Variants in HUWE1 observed in about 807,000 individuals in gnomAD.
The protein encoded by HUWE1 is HECT, UBA and WWE domain containing E3 ubiquitin protein ligase 1.
HUWE1 carries 18 observed loss-of-function variants against 299.4 expected under a neutral mutation model. The ratio of observed to expected loss-of-function variants is 0.06; its 90% CI spans 0.04 to 0.09. HUWE1 has a LOEUF of 0.09. Ranked by LOEUF, HUWE1 falls within the 10% of genes least tolerant of loss-of-function variation. HUWE1 has a pLI of 1.00. For synonymous variants in HUWE1, 1,317 were observed against 1,286.1 expected (o/e 1.02, Z -0.51); for missense variants, 1,832 against 3,462.3 (o/e 0.53, Z 11.82).
At chrX:53,568,019 A>C (rs1556947218) in intron 49 of HUWE1, among the ~76,000 whole-genome samples, 5 of 112,314 alleles carry the variant, frequency 4.5e-5, no homozygotes, top group Non-Finnish European at 9.4e-5. Context: ...GAAGGCAAAA[A>C]CACGGTCGCT....
Position 53,592,614 on chromosome X carries a change from G to A in HUWE1, c.3756C>T (p.Cys1252=), listed in dbSNP as rs1268856205. 8.4e-7 allele frequency: 1 copy of A among 1,189,262 alleles called. No homozygotes were observed. Among genetic ancestry groups the A allele is most frequent in the Non-Finnish European group, 1.1e-6 (1 of 877,582 alleles). ...LVVTQKAAFT[C]IKNLWNRKPL... is the part of the protein sequence containing the mutation. ...GTTTCCGGTTCCATAAGTTTTTGAT[G>A]CAAGTAAAGGCTGCCTGTAAGTAAT... The change falls in exon 33 of 84, where the codon TGC becomes TGT. Residue 1252 remains cysteine, a synonymous_variant. Coordinates refer to ENST00000262854, the MANE Select transcript of HUWE1 (RefSeq NM_031407.7).
intron 3 of HUWE1, among the ~76,000 whole-genome samples, chrX:53,657,682 C>G (rs943812259): frequency 2.7e-5 from 3 of 111,534 alleles, no homozygotes; most frequent in East Asian, 2.8e-4. Context: ...TGCAGAAAAT[C>G]TGAAATAAGG....
Position 53,546,535 on chromosome X carries a change from G to A in HUWE1, c.10816C>T (p.Leu3606=), listed in dbSNP as rs1556922950. ...CCAGAGTCCCCCCGGGAGAGCTGCAGTAGTACGTTGGCTGCATCCTCTAAG... is the reference window on the plus strand; with the variant it reads ...CCAGAGTCCCCCCGGGAGAGCTGCAATAGTACGTTGGCTGCATCCTCTAAG... ...EGLEDAANVL[L]QLSRGDSGTR... is the part of the protein sequence containing the mutation. Residue 3606 remains leucine (L), a synonymous_variant, in exon 70 of 84, where the codon CTG becomes TTG. Transcript: ENST00000262854. The A allele has an allele frequency of 3.3e-6, 4 of 1,207,373 alleles. No individual in the cohort carries two copies. The African/African-American group carries it at 7.0e-5, about 21-fold the overall frequency.
At chrX:53,636,638 C>T (rs1390861876) in intron 7 of HUWE1, among the ~76,000 whole-genome samples, 1 of 111,732 alleles carries the variant, frequency 8.9e-6, no homozygotes, top group African/African-American at 3.3e-5. Context: ...GGGAGGATGG[C>T]CTGAACCCGG....
At chrX:53,680,498 A>G (rs898455659) in intron 2 of HUWE1, 7 of 118,745 alleles carry the variant, frequency 5.9e-5, no homozygotes, top group South Asian at 3.7e-4. Context: ...CTAAGGACGT[A>G]TTTGTTTCAT....
chrX:53,554,464 GT>G (rs1298365409), intron 61 of HUWE1, among the ~76,000 whole-genome samples, 168 bp downstream of exon 61: 10 of 111,470 alleles, frequency 9.0e-5, no homozygotes, highest in Non-Finnish European at 1.9e-5. Flanking sequence ...ACTATCACCA[GT>G]TCAGGACCTC....
intron 43 of HUWE1, among the ~76,000 whole-genome samples, chrX:53,578,339 G>A (rs1556961673): frequency 9.5e-6 from 1 of 105,326 alleles, no homozygotes; most frequent in African/African-American, 3.6e-5. Context: ...CAGCCACCCC[G>A]TCTGGGAGGG....
chrX:53,584,175 T>C lies in HUWE1; in HGVS notation c.5161+11A>G. On this transcript the variant is annotated intron_variant, in intron 41 of 83. Transcript: ENST00000262854. ...CACATTAGCTTTAGGTAAAACACTC[T>C]TGGTACATACCATTGCCTTTATTTT... 3.3e-6 allele frequency: 4 copies of C among 1,205,147 alleles called. No individual in the cohort carries two copies. Among genetic ancestry groups the C allele is most frequent in the Non-Finnish European group, 4.5e-6 (4 of 889,675 alleles).
At chrX:53,603,027 A>G (rs1399715549) in intron 27 of HUWE1, among the ~76,000 whole-genome samples, 6 of 109,761 alleles carry the variant, frequency 5.5e-5, no homozygotes, top group Non-Finnish European at 9.5e-5. Flanking sequence ...AATTTTTTGT[A>G]TTTTTAGTAG....
intron 63 of HUWE1, among the ~76,000 whole-genome samples, chrX:53,551,716 T>C (rs2061772351): frequency 1.8e-5 from 2 of 111,769 alleles, no homozygotes; most frequent in Non-Finnish European, 3.8e-5. Flanking sequence ...TCTCCCTATG[T>C]TGCCCAGGCT....
intron 47 of HUWE1, among the ~76,000 whole-genome samples, chrX:53,572,553 A>G (rs2062883359): frequency 8.9e-6 from 1 of 111,878 alleles, no homozygotes; most frequent in Admixed American, 9.5e-5. Flanking sequence ...CCACAAAACA[A>G]GGCACCCTTA....
chrX:53,545,544 G>A lies in HUWE1; in HGVS notation c.10916-383C>T, dbSNP rs183733754. ...ATTTGCTAACCAATATTAATACTGG[G>A]ATGGGAATATTACTGCCTAACCTCA... On this transcript the variant is annotated intron_variant, in intron 70 of 83. Coordinates refer to ENST00000262854, the MANE Select transcript of HUWE1 (RefSeq NM_031407.7). 2.7e-3 allele frequency among the ~76,000 whole-genome samples: 299 copies of A among 111,627 alleles called. 1 individual carries two copies. Among genetic ancestry groups the A allele is most frequent in the African/African-American group, 9.2e-3 (283 of 30,699 alleles).
In HUWE1 at chrX:53,654,130, A is replaced by C. The variant is rs1557041745; in HGVS notation, c.-23T>G. 2 of 1,126,684 alleles carry C rather than the reference A, an allele frequency of 1.8e-6. No individual in the cohort carries two copies. Among genetic ancestry groups the C allele is most frequent in the South Asian group, 3.8e-5 (2 of 53,319 alleles). 92.9% of individuals were successfully genotyped at this position (1,126,684 alleles called of 1,213,427 possible). A position where few individuals can be genotyped will look rare whatever the true frequency, so the allele number is the denominator to read the frequency against. ...CATGATTTCAATTTTCAGCTTTACGATCTGAAAAAAGAAAATCCCAAAAGA... is the reference window on the plus strand; with the variant it reads ...CATGATTTCAATTTTCAGCTTTACGCTCTGAAAAAAGAAAATCCCAAAAGA... On this transcript the variant is annotated splice_region_variant and 5_prime_UTR_variant, in exon 4 of 84. Coordinates refer to ENST00000262854, the MANE Select transcript of HUWE1 (RefSeq NM_031407.7).
intron 49 of HUWE1, among the ~76,000 whole-genome samples, chrX:53,567,684 A>G (rs2062636461): frequency 8.9e-6 from 1 of 112,308 alleles, no homozygotes; most frequent in Admixed American, 9.4e-5. Context: ...CAAAGAAATT[A>G]ATTGATCCAG....
Position 53,583,580 on chromosome X carries a change from G to A in HUWE1, c.5498C>T (p.Thr1833Ile). Residue 1833 changes from threonine (T) to isoleucine (I), a missense_variant, in exon 42 of 84, where the codon ACC becomes ATC. By Grantham distance (89) the Thr-to-Ile change is moderately conservative (BLOSUM62 -1). Around this residue, in one of 15 missense-constraint regions of HUWE1, gnomAD observed 50 missense variants for 114.9 expected, o/e 0.44. Coordinates refer to ENST00000262854, the MANE Select transcript of HUWE1 (RefSeq NM_031407.7). Reference sequence around the variant, plus strand: ...CACCTTTTCCATGGTATGACGAAGGGTACAGGGGTCCTCAATGATGTGTCT... The same window carrying A: ...CACCTTTTCCATGGTATGACGAAGGATACAGGGGTCCTCAATGATGTGTCT... ...LLRHIIEDPC[T>I]LRHTMEKVVR... 1 of 1,202,387 alleles carries A rather than the reference G, an allele frequency of 8.3e-7. No homozygotes were observed. The highest frequency in any genetic ancestry group is 1.1e-6 in the Non-Finnish European group (1 of 888,411).
chrX:53,571,096 G>GC (rs2062804744), intron 47 of HUWE1, among the ~76,000 whole-genome samples: 2 of 111,945 alleles, frequency 1.8e-5, no homozygotes, highest in Non-Finnish European at 3.8e-5. Flanking sequence ...TTACCTCTTT[G>GC]AGCCTTCTCT....
chrX:53,549,877 C>T (rs782276240), intron 66 of HUWE1, among the ~76,000 whole-genome samples: 1 of 109,299 alleles, frequency 9.1e-6, no homozygotes, highest in Admixed American at 9.8e-5. Context: ...CTCAGCCTCC[C>T]GAGTAGCTGG....
At chrX:53,542,845 T>TTTTGTGTGTG in intron 73 of HUWE1, 1 of 173,179 alleles carries the variant, frequency 5.8e-6, no homozygotes, top group South Asian at 7.5e-5. Flanking sequence ...TCTTCTTCTG[T>TTTTGTGTGTG]TGTGTGTGTG....
chrX:53,631,195 G>A (rs949747605), intron 11 of HUWE1, among the ~76,000 whole-genome samples, 161 bp from the exon 12 acceptor site: 1 of 111,911 alleles, frequency 8.9e-6, no homozygotes, highest in African/African-American at 3.3e-5. Flanking sequence ...CGGTGAGGTA[G>A]TTTATGTTTT....
Sources: allele counts gnomAD v4.1 joint callset (sites outside exome capture counted in the v4.1 genomes callset), GRCh38; gene constraint gnomAD v4.1.1; regional missense constraint gnomAD v4.1.1; transcripts MANE v1.5; gene names NCBI Gene and HGNC (gene_info 2026-07-23, HGNC 2026-07-21).